CRLF2: variants seen among roughly 807,000 people sequenced by gnomAD.
The protein encoded by CRLF2 is cytokine receptor-like factor 2.
Under a neutral mutation model 38.7 loss-of-function variants are expected in CRLF2, and 41 were observed. The ratio of observed to expected loss-of-function variants is 1.06; its 90% CI spans 0.83 to 1.37. CRLF2 has a LOEUF of 1.37. Among genes scored for constraint, CRLF2 ranks in the 40% most tolerant of loss-of-function variants. The pLI, the probability that CRLF2 is intolerant of heterozygous loss-of-function variation, is 0.00. For missense variants in CRLF2, 377 were observed against 322.2 expected, an observed-to-expected ratio of 1.17 and a Z score of -1.30; for synonymous variants, 140 against 128.8, an observed-to-expected ratio of 1.09 and a Z score of -0.59.
At position 1,190,999 on chromosome X, in the gene CRLF2, C is replaced by T. The variant is rs1214713172; in HGVS notation, c.1014G>A (p.Gly338=). ...DPQTEEKEAS[G]GSLQLPHQPL... ...GCTGGTGGGGAAGCTGGAGGGATCC[C>T]CCAGAGGCCTCTTTCTCCTCGGTCT... The change falls in exon 8 of 8, where the codon GGG becomes GGA. Residue 338 remains glycine, a synonymous_variant. Transcript: ENST00000400841. 5.0e-6 allele frequency: 2 copies of T among 398,560 alleles called. No individual in the cohort carries two copies. Among genetic ancestry groups the T allele is most frequent in the Non-Finnish European group, 8.8e-6 (2 of 226,130 alleles). The allele number at this position is 398,560 out of a possible 1,614,324, so 24.7% of individuals were successfully genotyped here. A position where few individuals can be genotyped will look rare whatever the true frequency, so the allele number is the denominator to read the frequency against.
At chrX:1,207,557 C>CG (rs1437024300) in intron 2 of CRLF2, among the ~76,000 whole-genome samples, 6 of 146,608 alleles carry the variant, frequency 4.1e-5, no homozygotes. Flanking sequence ...AGCCAACACC[C>CG]CCCCCAAGAA....
At chrX:1,207,529 G>T (rs2086714278) in intron 2 of CRLF2, among the ~76,000 whole-genome samples, 1 of 117,264 alleles carries the variant, frequency 8.5e-6, no homozygotes, top group Non-Finnish European at 1.7e-5. Context: ...CTCCCAAAGT[G>T]CTGGGATAAC....
rs1441806824 is a variant in CRLF2, at chrX:1,206,563, G to T, written c.219C>A (p.Asn73Lys). The change falls in exon 3 of 8, where the codon AAC becomes AAA. Residue 73 changes from asparagine (N) to lysine (K), a missense_variant. Asn to Lys is a moderately conservative substitution (Grantham distance 94). Coordinates refer to ENST00000400841, the MANE Select transcript of CRLF2 (RefSeq NM_022148.4). ...NGDEAYDQCT[N>K]YLLQEGHTSG... ...AAGTGTGACCTTCCTGGAGAAGGTA[G>T]TTGGTGCACTGGTCATAGGCCTCAT... The T allele has an allele frequency of 1.9e-6, 3 of 1,613,582 alleles. No homozygotes were observed. In the African/African-American group the frequency reaches 4.0e-5, roughly 22 times the overall value.
Position 1,208,792 on chromosome X carries a change from T to TG in CRLF2, c.182+13dup. The TG allele has an allele frequency of 6.5e-7, 1 of 1,532,528 alleles. No homozygotes were observed. Among genetic ancestry groups the TG allele is most frequent in the Non-Finnish European group, 9.0e-7 (1 of 1,105,740 alleles). 94.9% of individuals were successfully genotyped at this position (1,532,528 alleles called of 1,614,324 possible). A position where few individuals can be genotyped will look rare whatever the true frequency, so the allele number is the denominator to read the frequency against. ...CCCCCTGGGCGTGGGGTTCGCTTTC[T>TG]GGGGGCCACTTACCTGTAGTGGAAA... is the stretch of plus-strand genomic sequence containing the variant. On this transcript the variant is annotated intron_variant, in intron 2 of 7. Coordinates refer to ENST00000400841, the MANE Select transcript of CRLF2 (RefSeq NM_022148.4).
intron 1 of CRLF2, among the ~76,000 whole-genome samples, chrX:1,209,514 G>A (rs2086756875): frequency 6.6e-6 from 1 of 150,678 alleles, no homozygotes; most frequent in Non-Finnish European, 1.5e-5. Context: ...TGTACTTTTA[G>A]TAGAGATGGG....
chrX:1,192,173 C>G (rs1415445484), intron 7 of CRLF2, among the ~76,000 whole-genome samples: 6 of 138,344 alleles, frequency 4.3e-5, no homozygotes, highest in African/African-American at 8.0e-5. Flanking sequence ...CCACTGCACT[C>G]CAGCCTGGGC....
At chrX:1,196,727 A>T (rs367692950) in intron 6 of CRLF2, 53 bp downstream of exon 6, 408 of 1,596,868 alleles carry the variant, frequency 2.6e-4, no homozygotes, top group Non-Finnish European at 3.2e-4. Flanking sequence ...CGTACTTCAC[A>T]GACATTGTGC....
At chrX:1,191,326 TTTCTTTCTTTCTTTCTTTCC>T (rs1415741382) in intron 7 of CRLF2, among the ~76,000 whole-genome samples, 166 bp from the exon 8 acceptor site, 8 of 119,262 alleles carry the variant, frequency 6.7e-5, no homozygotes, top group African/African-American at 2.5e-4. Flanking sequence ...TCTTTCTTTC[TTTCTTTCTTTCTTTCTTTCC>T]TTCTTTCTTT....
rs371174830 is a variant in CRLF2 at position 1,198,736 on chromosome X, TACACACACACACACACACAC to T, written c.484-32_484-13del. 9.4e-5 allele frequency: 78 copies of T among 828,338 alleles called. No individual in the cohort carries two copies. The highest frequency in any genetic ancestry group is 1.4e-4 in the Non-Finnish European group (73 of 534,944). The allele number at this position is 828,338 out of a possible 1,614,324, so 51.3% of individuals were successfully genotyped here. On this transcript the variant is annotated splice_polypyrimidine_tract_variant and intron_variant, in intron 4 of 7. Transcript: ENST00000400841. ...TTTTCCTGTTTGGACTGGAGAAACA[TACACACACACACACACACAC>T]ACACACACACACACACACACACACA...
chrX:1,203,285 G>A (rs2086640963), intron 3 of CRLF2, among the ~76,000 whole-genome samples: 1 of 152,008 alleles, frequency 6.6e-6, no homozygotes, highest in Admixed American at 6.6e-5. Flanking sequence ...GACGGAGGCA[G>A]AGACTGGAGT....
chrX:1,211,446 TTGG>T (rs2086799362), intron 1 of CRLF2, among the ~76,000 whole-genome samples: 1 of 135,598 alleles, frequency 7.4e-6, no homozygotes, highest in African/African-American at 3.0e-5. Flanking sequence ...GATGGATGTA[TTGG>T]TGGATGGATG....
intron 1 of CRLF2, among the ~76,000 whole-genome samples, chrX:1,210,117 A>G (rs2086770096): frequency 2.2e-5 from 1 of 45,936 alleles, no homozygotes; most frequent in Admixed American, 2.4e-4. Context: ...AAAAAAAAAG[A>G]AAAGAAAAGA....
intron 2 of CRLF2, 64 bp from the exon 3 acceptor site, chrX:1,206,663 A>G: frequency 6.6e-7 from 1 of 1,521,692 alleles, no homozygotes; most frequent in Non-Finnish European, 9.1e-7. Flanking sequence ...TTATTTAGAG[A>G]TGGGGTCTTG....
chrX:1,211,257 GTGGATGGATGGA>G (rs772836935), intron 1 of CRLF2, among the ~76,000 whole-genome samples: 44 of 107,688 alleles, frequency 4.1e-4, no homozygotes, highest in Middle Eastern at 9.3e-3. Context: ...GGATGGATGG[GTGGATGGATGGA>G]TGGATGGATG....
rs753321504 is a variant in CRLF2, at chrX:1,212,601, C to T, written c.34G>A (p.Val12Ile). The T allele has an allele frequency of 6.8e-6, 11 of 1,612,816 alleles. No homozygotes were observed. The Middle Eastern group carries it at 6.6e-4, about 97-fold the overall frequency. Residue 12 changes from valine to isoleucine, a missense_variant, in exon 1 of 8, where the codon GTC (valine) becomes ATC (isoleucine). Val to Ile is a conservative substitution (Grantham distance 29). Transcript: ENST00000400841. ...GCCATCCAGCCTCCCAGCAGAAAGACGGCAGCTCCCCACAGCAGAACCAGC... is the reference window on the plus strand; with the variant it reads ...GCCATCCAGCCTCCCAGCAGAAAGATGGCAGCTCCCCACAGCAGAACCAGC... The part of the protein sequence containing the change: ...GRLVLLWGAA[V>I]FLLGGWMALG...
rs761373356 is a variant in CRLF2 at position 1,206,468 on chromosome X, G to C, written c.314C>G (p.Pro105Arg). 7 of 1,613,502 alleles carry C rather than the reference G, an allele frequency of 4.3e-6. No individual in the cohort carries two copies. Among genetic ancestry groups the C allele is most frequent in the African/African-American group, 2.7e-5 (2 of 74,898 alleles). ...CATCCAGCGACTTGCGGTGAAAACGGGGTGCGTCCCATTCCTGATGGAGAA... is the reference window on the plus strand; with the variant it reads ...CATCCAGCGACTTGCGGTGAAAACGCGGTGCGTCCCATTCCTGATGGAGAA... ...LYFSIRNGTHPVFTASRWMVY... is the reference protein window; with the variant it reads ...LYFSIRNGTHRVFTASRWMVY... The change falls in exon 3 of 8, where the codon CCC becomes CGC. Residue 105 changes from proline to arginine, a missense_variant. Physicochemically the swap from Pro to Arg is moderately radical, Grantham distance 103. Coordinates refer to ENST00000400841, the MANE Select transcript of CRLF2 (RefSeq NM_022148.4).
Position 1,206,473 on chromosome X carries a change from C to T in CRLF2, c.309G>A (p.Thr103=), listed in dbSNP as rs764848658. 3 of 1,613,390 alleles carry T rather than the reference C, an allele frequency of 1.9e-6. No individual in the cohort carries two copies. Among genetic ancestry groups the T allele is most frequent in the Non-Finnish European group, 2.5e-6 (3 of 1,179,568 alleles). The change falls in exon 3 of 8, where the codon ACG becomes ACA. Residue 103 remains threonine, a synonymous_variant. Transcript: ENST00000400841. Reference sequence around the variant, plus strand: ...AGCGACTTGCGGTGAAAACGGGGTGCGTCCCATTCCTGATGGAGAAATAGA... The same window carrying T: ...AGCGACTTGCGGTGAAAACGGGGTGTGTCCCATTCCTGATGGAGAAATAGA... The part of the protein sequence containing the change: ...DILYFSIRNG[T]HPVFTASRWM...
rs2086363792 is a variant in CRLF2, at chrX:1,190,998, C to T, written c.1015G>A (p.Gly339Arg). The change falls in exon 8 of 8, where the codon GGA (glycine) becomes AGA (arginine). Residue 339 changes from glycine (G) to arginine (R), a missense_variant. Gly to Arg is a moderately radical substitution (Grantham distance 125). Coordinates refer to ENST00000400841, the MANE Select transcript of CRLF2 (RefSeq NM_022148.4). ...GGCTGGTGGGGAAGCTGGAGGGATC[C>T]CCCAGAGGCCTCTTTCTCCTCGGTC... ...PQTEEKEASG[G>R]SLQLPHQPLQ... 2.5e-6 allele frequency: 1 copy of T among 398,586 alleles called. No homozygotes were observed. Among genetic ancestry groups the T allele is most frequent in the South Asian group, 1.3e-4 (1 of 7,862 alleles). 24.7% of individuals were successfully genotyped at this position (398,586 alleles called of 1,614,324 possible).
chrX:1,206,566 G>C lies in CRLF2; in HGVS notation c.216C>G (p.Thr72=). 2 of 1,613,574 alleles carry C rather than the reference G, an allele frequency of 1.2e-6. No individual in the cohort carries two copies. The highest frequency in any genetic ancestry group is 1.7e-6 in the Non-Finnish European group (2 of 1,179,590). The change falls in exon 3 of 8, where the codon ACC becomes ACG. Residue 72 remains threonine (T), a synonymous_variant. Coordinates refer to ENST00000400841, the MANE Select transcript of CRLF2 (RefSeq NM_022148.4). ...TGTGACCTTCCTGGAGAAGGTAGTTGGTGCACTGGTCATAGGCCTCATCAC... is the reference window on the plus strand; with the variant it reads ...TGTGACCTTCCTGGAGAAGGTAGTTCGTGCACTGGTCATAGGCCTCATCAC... The part of the protein sequence containing the change: ...FNGDEAYDQC[T]NYLLQEGHTS...
Sources: allele counts gnomAD v4.1 joint callset (sites outside exome capture counted in the v4.1 genomes callset), GRCh38; gene constraint gnomAD v4.1.1; transcripts MANE v1.5; gene names NCBI Gene and HGNC (gene_info 2026-07-23, HGNC 2026-07-21).